The following ARFGEF3 variants were observed in gnomAD, a reference collection of about 807,000 sequenced individuals.
ARFGEF3 encodes brefeldin A-inhibited guanine nucleotide-exchange protein 3.
ARFGEF3 carries 96 observed loss-of-function variants against 221.7 expected under a neutral mutation model. That is an observed-to-expected ratio of 0.43 (90% CI 0.37 to 0.51). The LOEUF is 0.51. ARFGEF3 is among the 20% of genes least tolerant of loss of function. ARFGEF3 has a pLI of 0.00. For missense variants in ARFGEF3, 2,410 were observed against 2,789.9 expected (o/e 0.86, Z 3.07); for synonymous variants, 1,145 against 1,126.8 (o/e 1.02, Z -0.32).
At chr6:138,248,291 C>G (rs1778520760) in intron 8 of ARFGEF3, among the ~76,000 whole-genome samples, 1 of 152,160 alleles carries the variant, frequency 6.6e-6, no homozygotes, top group Non-Finnish European at 1.5e-5. Flanking sequence ...CTGATCTTAA[C>G]CCTGTGAACT....
chr6:138,273,542 G>A (rs1489515419), intron 12 of ARFGEF3, among the ~76,000 whole-genome samples: 2 of 152,180 alleles, frequency 1.3e-5, no homozygotes, highest in Admixed American at 6.5e-5. Flanking sequence ...CCAATCAGAG[G>A]GAAGAATGGA....
intron 12 of ARFGEF3, among the ~76,000 whole-genome samples, chr6:138,275,734 ACT>A (rs760658174): frequency 6.7e-6 from 1 of 150,088 alleles, no homozygotes; most frequent in Non-Finnish European, 1.5e-5. Context: ...ACAGAACAAG[ACT>A]CTGACTCAGG....
rs1779400659 is a variant in ARFGEF3, at chr6:138,291,321, A to G, written c.3048-412A>G. ...ATAGGTATAGCCATTCTGGGATCCCATCGTAGGGAAACGCTTCCCAACTCC... is the reference window on the plus strand; with the variant it reads ...ATAGGTATAGCCATTCTGGGATCCCGTCGTAGGGAAACGCTTCCCAACTCC... On this transcript the variant is annotated intron_variant, in intron 18 of 33. Transcript: ENST00000251691. The surrounding 1 kb of genome is among the most constrained non-coding windows in gnomAD (Gnocchi z 4.5). 6.6e-6 allele frequency among the ~76,000 whole-genome samples: 1 copy of G among 152,148 alleles called. No individual in the cohort carries two copies. The highest frequency in any genetic ancestry group is 2.4e-5 in the African/African-American group (1 of 41,444).
intron 4 of ARFGEF3, among the ~76,000 whole-genome samples, chr6:138,222,357 C>A (rs751273984): frequency 1.3e-5 from 2 of 152,206 alleles, no homozygotes; most frequent in Non-Finnish European, 2.9e-5. Context: ...GCCCCGTGGG[C>A]CGCAGGGTTG....
At chr6:138,246,892 CTG>C (rs1778494740) in intron 8 of ARFGEF3, among the ~76,000 whole-genome samples, 1 of 152,048 alleles carries the variant, frequency 6.6e-6, no homozygotes, top group Non-Finnish European at 1.5e-5. Flanking sequence ...AAATGAGTAA[CTG>C]TGTGAGATGA....
At chr6:138,164,004 T>C (rs556609624) in intron 1 of ARFGEF3, among the ~76,000 whole-genome samples, 84 of 152,320 alleles carry the variant, frequency 5.5e-4, no homozygotes, top group Admixed American at 9.8e-4. Context: ...CTTCTTTCCG[T>C]CGCTTCTTTA....
chr6:138,279,919 G>A, intron 13 of ARFGEF3, 80 bp from the exon 14 acceptor site: 1 of 1,407,730 alleles, frequency 7.1e-7, no homozygotes, highest in Middle Eastern at 1.9e-4. Flanking sequence ...TCTGTGACGT[G>A]AAGAGGCAGC....
intron 14 of ARFGEF3, among the ~76,000 whole-genome samples, chr6:138,282,255 T>G (rs932164568): frequency 5.9e-5 from 9 of 151,982 alleles, no homozygotes; most frequent in African/African-American, 1.4e-4. Flanking sequence ...GCACCCACCC[T>G]CCCCAGACTG....
intron 14 of ARFGEF3, among the ~76,000 whole-genome samples, chr6:138,284,007 C>T (rs751113789): frequency 1.3e-5 from 2 of 152,022 alleles, no homozygotes; most frequent in South Asian, 2.1e-4. Context: ...GTCCTAAACT[C>T]GGAATTAATA....
chr6:138,254,869 A>T (rs9484136), intron 9 of ARFGEF3, among the ~76,000 whole-genome samples: 1,961 of 152,124 alleles, frequency 0.013, 38 homozygotes, highest in African/African-American at 0.044. Context: ...GAACCAGAAA[A>T]TTTTTCTGTG....
chr6:138,239,345 C>T (rs764432474), intron 6 of ARFGEF3, among the ~76,000 whole-genome samples: 2 of 152,048 alleles, frequency 1.3e-5, no homozygotes, highest in Non-Finnish European at 2.9e-5. Flanking sequence ...GTTATTTGTT[C>T]AAATGGAAAA....
At chr6:138,178,657 G>A (rs777475590) in intron 2 of ARFGEF3, among the ~76,000 whole-genome samples, 21 of 152,078 alleles carry the variant, frequency 1.4e-4, no homozygotes, top group Admixed American at 4.6e-4. Context: ...TATCTCTTAT[G>A]TCAGTGCCTT....
intron 32 of ARFGEF3, among the ~76,000 whole-genome samples, chr6:138,329,107 T>C (rs2114691698): frequency 6.6e-6 from 1 of 152,330 alleles, no homozygotes; most frequent in East Asian, 1.9e-4. Context: ...AGGTCTATGC[T>C]CTGCCCCAAG....
chr6:138,223,873 T>G (rs925617367), intron 4 of ARFGEF3, among the ~76,000 whole-genome samples: 1 of 152,224 alleles, frequency 6.6e-6, no homozygotes, highest in Non-Finnish European at 1.5e-5. Context: ...TACAGCTTAT[T>G]GTAATTTTTT....
At chr6:138,175,102 C>G (rs185572797) in intron 2 of ARFGEF3, among the ~76,000 whole-genome samples, 1 of 152,172 alleles carries the variant, frequency 6.6e-6, no homozygotes, top group Admixed American at 6.5e-5. Flanking sequence ...CTTATTTGTG[C>G]TCAAGGCTCT....
At chr6:138,181,263 A>T (rs1777075011) in intron 2 of ARFGEF3, among the ~76,000 whole-genome samples, 2 of 152,140 alleles carry the variant, frequency 1.3e-5, no homozygotes, top group South Asian at 4.1e-4. Context: ...TGTTGACTTG[A>T]GTGATATTTT....
intron 2 of ARFGEF3, among the ~76,000 whole-genome samples, chr6:138,182,496 A>T (rs1378821141): frequency 6.6e-6 from 1 of 152,222 alleles, no homozygotes; most frequent in Admixed American, 6.5e-5. Context: ...CAGTGCTTTT[A>T]AAAGACAGTT....
In ARFGEF3 at chr6:138,286,043, C is replaced by T; in HGVS notation, c.2559C>T (p.Ser853=). The stretch of plus-strand genomic sequence containing the variant: ...CCCAGAGCAGGAGAATTGATGACTC[C>T]ACAGTGGCAGGTAATGACTTGGGTC... ...PFAQSRRIDD[S]TVAGVAFARY... is the part of the protein sequence containing the mutation. Residue 853 remains serine (S), a synonymous_variant, in exon 15 of 34, where the codon TCC becomes TCT. Coordinates refer to ENST00000251691, the MANE Select transcript of ARFGEF3 (RefSeq NM_020340.5). 1 of 1,597,242 alleles carries T rather than the reference C, an allele frequency of 6.3e-7. No homozygotes were observed. The highest frequency in any genetic ancestry group is 8.5e-7 in the Non-Finnish European group (1 of 1,171,744).
intron 31 of ARFGEF3, among the ~76,000 whole-genome samples, chr6:138,327,667 A>C (rs1332695975): frequency 6.6e-6 from 1 of 152,090 alleles, no homozygotes; most frequent in Non-Finnish European, 1.5e-5. Context: ...TATGATACCA[A>C]AGACTCAAAA....
Sources: gnomAD v4.1 joint callset for allele counts (sites outside exome capture counted in the v4.1 genomes callset) on GRCh38, gnomAD v4.1.1 for gene constraint, Gnocchi (gnomAD v3.1) non-coding constraint, MANE v1.5 for transcripts, NCBI Gene and HGNC (gene_info 2026-07-23, HGNC 2026-07-21) for gene names.